RPA3: variants seen among roughly 807,000 people sequenced by gnomAD.
RPA3 encodes the protein replication protein A 14 kDa subunit.
RPA3 carries 24 observed loss-of-function variants against 13.7 expected under a neutral mutation model. That is an observed-to-expected ratio of 1.75 (90% CI 1.27 to 2.46). RPA3 has a LOEUF of 2.46. Among genes scored for constraint, RPA3 ranks in the 30% most tolerant of loss-of-function variants. The pLI, the probability that RPA3 is intolerant of heterozygous loss-of-function variation, is 0.00. For missense variants in RPA3, 183 were observed against 151.0 expected (o/e 1.21, Z -1.11); for synonymous variants, 59 against 51.2 (o/e 1.15, Z -0.65).
At chr7:7,640,275 C>G in intron 5 of RPA3, 45 bp downstream of exon 5, 3 of 1,592,328 alleles carry the variant, frequency 1.9e-6, no homozygotes, top group Non-Finnish European at 1.7e-6. Flanking sequence ...GGGGTCCCTC[C>G]CTCCAGCTAC....
At chr7:7,714,497 C>G (rs1228263199) in intron 2 of RPA3, among the ~76,000 whole-genome samples, 3 of 152,170 alleles carry the variant, frequency 2.0e-5, no homozygotes, top group Non-Finnish European at 4.4e-5. Flanking sequence ...TAGAAATAAT[C>G]TATATAGTTT....
intron 2 of RPA3, among the ~76,000 whole-genome samples, chr7:7,705,027 C>A (rs1180793600): frequency 6.6e-6 from 1 of 152,140 alleles, no homozygotes; most frequent in African/African-American, 2.4e-5. Flanking sequence ...CATGGTGCTT[C>A]TTGGCATCTG....
At chr7:7,656,331 T>G (rs34674816) in intron 4 of RPA3, among the ~76,000 whole-genome samples, 24,487 of 152,128 alleles carry the variant, frequency 0.16, 2,334 homozygotes, top group Middle Eastern at 0.24. Flanking sequence ...TTTTGTTTTA[T>G]TATACTTAAA....
chr7:7,708,000 G>A (rs1583759508), intron 2 of RPA3, among the ~76,000 whole-genome samples: 2 of 152,064 alleles, frequency 1.3e-5, no homozygotes, highest in Non-Finnish European at 2.9e-5. Context: ...TTTTAATGCG[G>A]CTCCTCCTGA....
In RPA3 at chr7:7,636,980, C is replaced by A. The variant is rs746985088; in HGVS notation, c.*20G>T. On this transcript the variant is annotated 3_prime_UTR_variant, in exon 8 of 8. Coordinates refer to ENST00000223129, the MANE Select transcript of RPA3 (RefSeq NM_002947.5). ...GACTTTAATATAGCTCATTTACAAT[C>A]GTATGAAAATCCATCAAGATCAATC... is the stretch of plus-strand genomic sequence containing the variant. 4 of 1,544,350 alleles carry A rather than the reference C, an allele frequency of 2.6e-6. No homozygotes were observed.
intron 2 of RPA3, among the ~76,000 whole-genome samples, chr7:7,705,577 A>G (rs1482337037): frequency 1.3e-5 from 2 of 152,208 alleles, no homozygotes; most frequent in Non-Finnish European, 2.9e-5. Flanking sequence ...TTGTTTTCAT[A>G]ATCATATTAG....
At chr7:7,685,597 C>G (rs766743949) in intron 4 of RPA3, among the ~76,000 whole-genome samples, 3 of 152,112 alleles carry the variant, frequency 2.0e-5, no homozygotes, top group Admixed American at 6.5e-5. Context: ...CGTGAGCCAC[C>G]GTGCCCGGCC....
At chr7:7,692,975 A>G (rs1265722343) in intron 2 of RPA3, among the ~76,000 whole-genome samples, 1 of 152,180 alleles carries the variant, frequency 6.6e-6, no homozygotes, top group African/African-American at 2.4e-5. Context: ...TGTGTCTAAA[A>G]TAGCTGTAGG....
At chr7:7,685,800 CA>C (rs1780030209) in intron 4 of RPA3, 29 bp downstream of exon 4, 1 of 152,158 alleles carries the variant, frequency 6.6e-6, no homozygotes, top group Admixed American at 6.5e-5. Flanking sequence ...TTTCTTCCTT[CA>C]TTATATCATG....
intron 2 of RPA3, among the ~76,000 whole-genome samples, chr7:7,690,789 C>A (rs1038814365): frequency 6.6e-6 from 1 of 152,086 alleles, no homozygotes; most frequent in Non-Finnish European, 1.5e-5. Context: ...GCATTCCCTT[C>A]ACATATAAAT....
intron 4 of RPA3, among the ~76,000 whole-genome samples, chr7:7,653,809 G>C (rs1785281279): frequency 6.6e-6 from 1 of 152,196 alleles, no homozygotes; most frequent in South Asian, 2.1e-4. Flanking sequence ...TGCAATGTCT[G>C]CAGGCATTTT....
chr7:7,657,959 C>T (rs1785382167), intron 4 of RPA3, among the ~76,000 whole-genome samples: 1 of 152,132 alleles, frequency 6.6e-6, no homozygotes. Flanking sequence ...GAATGTTTTT[C>T]CATTTGTTTG....
chr7:7,693,715 A>G (rs1780236090), intron 2 of RPA3, among the ~76,000 whole-genome samples: 1 of 152,124 alleles, frequency 6.6e-6, no homozygotes, highest in Admixed American at 6.5e-5. Context: ...AATTTTAATA[A>G]TTTAGCAATA....
intron 4 of RPA3, among the ~76,000 whole-genome samples, chr7:7,650,857 C>T (rs576070561): frequency 1.3e-5 from 2 of 152,322 alleles, no homozygotes; most frequent in Admixed American, 6.5e-5. Context: ...AGGTTCTGGC[C>T]ATGGCTTACC....
chr7:7,663,051 CTTA>C (rs1785513756), intron 4 of RPA3, among the ~76,000 whole-genome samples: 2 of 151,976 alleles, frequency 1.3e-5, no homozygotes, highest in African/African-American at 4.8e-5. Flanking sequence ...AAATAGATTT[CTTA>C]TTATAACCCA....
intron 2 of RPA3, 23 bp from the exon 3 acceptor site, chr7:7,687,351 A>G (rs1780063719): frequency 6.6e-6 from 1 of 152,244 alleles, no homozygotes; most frequent in African/African-American, 2.4e-5. Flanking sequence ...AAGGGAGTAC[A>G]AAGAACTTGT....
At chr7:7,712,670 C>T (rs1780795864) in intron 2 of RPA3, among the ~76,000 whole-genome samples, 2 of 152,168 alleles carry the variant, frequency 1.3e-5, no homozygotes, top group Middle Eastern at 3.4e-3. Flanking sequence ...TTCATTTTAT[C>T]TTTTGGTCTT....
chr7:7,659,404 C>A lies in RPA3; in HGVS notation c.-757-18229G>T, dbSNP rs149464291. Among the ~76,000 whole-genome samples, 791 of 152,118 alleles carry A rather than the reference C, an allele frequency of 5.2e-3. 6 individuals are homozygous for A. The highest frequency in any genetic ancestry group is 0.052 in the Middle Eastern group (15 of 290). Reference sequence around the variant, plus strand: ...TCTTTTAATTATGACGTTAGGGTGTCGATTTTAGATCTTTCCCACTTTCTC... The same window carrying A: ...TCTTTTAATTATGACGTTAGGGTGTAGATTTTAGATCTTTCCCACTTTCTC... On this transcript the variant is annotated intron_variant, in intron 4 of 7. Transcript: ENST00000223129.
intron 6 of RPA3, 159 bp from the exon 7 acceptor site, chr7:7,638,131 G>A: frequency 2.1e-6 from 1 of 487,652 alleles, no homozygotes; most frequent in Non-Finnish European, 3.7e-6. Flanking sequence ...GTTAACAAAT[G>A]TTTGAGTACT....
Sources: allele counts gnomAD v4.1 joint callset (sites outside exome capture counted in the v4.1 genomes callset), GRCh38; gene constraint gnomAD v4.1.1; transcripts MANE v1.5; gene names NCBI Gene and HGNC (gene_info 2026-07-23, HGNC 2026-07-21).